KCTD3: variants seen among roughly 807,000 people sequenced by gnomAD.
The protein encoded by KCTD3 is potassium channel tetramerization domain containing 3.
KCTD3 carries 41 observed loss-of-function variants against 85.8 expected under a neutral mutation model. That is an observed-to-expected ratio of 0.48 (90% confidence interval 0.37 to 0.62). The LOEUF is 0.62. KCTD3 is among the 20% of genes least tolerant of loss of function. The pLI is 0.00. For synonymous variants in KCTD3, 338 were observed against 345.4 expected, an observed-to-expected ratio of 0.98 and a Z score of 0.24; for missense variants, 724 against 989.9, an observed-to-expected ratio of 0.73 and a Z score of 3.60.
At chr1:215,604,377 GT>G in intron 13 of KCTD3, 75 bp downstream of exon 13, 1 of 1,117,306 alleles carries the variant, frequency 9.0e-7, no homozygotes, top group Non-Finnish European at 1.3e-6. Flanking sequence ...AAAACGCAGT[GT>G]TTATGTGAGA....
chr1:215,604,404 A>T, intron 13 of KCTD3, 102 bp downstream of exon 13: 1 of 869,106 alleles, frequency 1.2e-6, no homozygotes, highest in Non-Finnish European at 1.8e-6. Flanking sequence ...ATACTAAAAG[A>T]AGTACTAGAA....
rs764835860 is a variant in KCTD3, at chr1:215,579,078, C to T, written c.476C>T (p.Ala159Val). The T allele has an allele frequency of 6.3e-7, 1 of 1,597,842 alleles. No individual in the cohort carries two copies. Among genetic ancestry groups the T allele is most frequent in the South Asian group, 1.1e-5 (1 of 87,766 alleles). Residue 159 changes from alanine to valine, a missense_variant, in exon 7 of 18, where the codon GCC (alanine) becomes GTC (valine). Coordinates refer to ENST00000259154, the MANE Select transcript of KCTD3 (RefSeq NM_016121.5). ...GGTCTAAATTCTACAGAAGGTGAAG[C>T]CCGGGGAAATGGTACACAGCCTGTT... ...RNGLNSTEGE[A>V]RGNGTQPVLS...
intron 4 of KCTD3, 116 bp downstream of exon 4, chr1:215,576,090 T>C: frequency 1.6e-6 from 1 of 635,362 alleles, no homozygotes; most frequent in South Asian, 2.0e-5. Flanking sequence ...AGTTGCAGTC[T>C]TGCTCTGTTG....
In KCTD3 at chr1:215,620,553, A is replaced by G. The variant is rs1558249207; in HGVS notation, c.2383A>G (p.Thr795Ala). The change falls in exon 18 of 18, where the codon ACA becomes GCA. Residue 795 changes from threonine (T) to alanine (A), a missense_variant. By Grantham distance (58) the Thr-to-Ala change is moderately conservative. This residue lies in a region of KCTD3 where 222 missense variants were observed against 217.7 expected (regional missense o/e 1.02). Transcript: ENST00000259154. ...DSPGTASPSP[T>A]KTTPSPRHKK... is the part of the protein sequence containing the mutation. ...ACCTGGTACTGCGTCCCCATCTCCT[A>G]CAAAGACTACTCCATCTCCTCGGCA... is the stretch of plus-strand genomic sequence containing the variant. The G allele has an allele frequency of 6.2e-7, 1 of 1,613,578 alleles. No individual in the cohort carries two copies. Among genetic ancestry groups the G allele is most frequent in the Non-Finnish European group, 8.5e-7 (1 of 1,179,746 alleles).
chr1:215,580,607 G>A (rs1659780424), intron 8 of KCTD3, among the ~76,000 whole-genome samples: 1 of 151,746 alleles, frequency 6.6e-6, no homozygotes, highest in Non-Finnish European at 1.5e-5. Flanking sequence ...AGGACTCTTA[G>A]TTCAAAATCA....
At chr1:215,615,981 G>A (rs1298319204) in intron 15 of KCTD3, among the ~76,000 whole-genome samples, 11 of 152,176 alleles carry the variant, frequency 7.2e-5, no homozygotes. Context: ...GAACCCCTCT[G>A]TAGTGAGGGC....
chr1:215,573,398 C>G (rs1421927690), intron 1 of KCTD3, among the ~76,000 whole-genome samples: 1 of 151,974 alleles, frequency 6.6e-6, no homozygotes, highest in Non-Finnish European at 1.5e-5. Flanking sequence ...AAGTTTTGTC[C>G]TATTAGAGGG....
At chr1:215,600,472 C>T (rs3767258) in intron 10 of KCTD3, among the ~76,000 whole-genome samples, 5,074 of 152,232 alleles carry the variant, frequency 0.033, 207 homozygotes, top group African/African-American at 0.094. Context: ...CCCACCAGCA[C>T]TGAGATGGCA....
intron 9 of KCTD3, among the ~76,000 whole-genome samples, chr1:215,591,507 G>A (rs1660216914): frequency 6.6e-6 from 1 of 152,066 alleles, no homozygotes; most frequent in African/African-American, 2.4e-5. Context: ...ACAGGCACAT[G>A]CCACCACGCC....
chr1:215,587,131 TC>T (rs978998814), intron 9 of KCTD3, among the ~76,000 whole-genome samples: 5 of 151,300 alleles, frequency 3.3e-5, no homozygotes, highest in African/African-American at 1.2e-4. Context: ...TTCTTTTTTT[TC>T]CTTTTTTTTT....
At chr1:215,595,638 C>T (rs1660391789) in intron 10 of KCTD3, among the ~76,000 whole-genome samples, 167 bp downstream of exon 10, 1 of 151,788 alleles carries the variant, frequency 6.6e-6, no homozygotes, top group South Asian at 2.1e-4. Flanking sequence ...AGCATATTTT[C>T]AAGAGTTTAA....
At chr1:215,576,843 C>G (rs1296483391) in intron 4 of KCTD3, among the ~76,000 whole-genome samples, 1 of 152,168 alleles carries the variant, frequency 6.6e-6, no homozygotes, top group Non-Finnish European at 1.5e-5. Flanking sequence ...GCTGGGATTA[C>G]AGGTGTGAGC....
intron 15 of KCTD3, among the ~76,000 whole-genome samples, chr1:215,614,333 G>A (rs57493403): frequency 6.6e-6 from 1 of 152,094 alleles, no homozygotes; most frequent in African/African-American, 2.4e-5. Flanking sequence ...ATCCGGCCTA[G>A]AAATAGTTTT....
intron 14 of KCTD3, among the ~76,000 whole-genome samples, chr1:215,611,315 GT>G (rs1381965901): frequency 2.6e-5 from 4 of 151,674 alleles, no homozygotes; most frequent in Non-Finnish European, 5.9e-5. Flanking sequence ...TTGTGTGTGT[GT>G]TTTTTTAATT....
At chr1:215,605,031 G>A (rs554378234) in intron 13 of KCTD3, among the ~76,000 whole-genome samples, 5 of 152,220 alleles carry the variant, frequency 3.3e-5, no homozygotes, top group African/African-American at 9.6e-5. Context: ...AATTCATTGT[G>A]TATGGAAGAT....
At chr1:215,601,802 A>C (rs968900055) in intron 10 of KCTD3, 65 bp from the exon 11 acceptor site, 8 of 979,048 alleles carry the variant, frequency 8.2e-6, no homozygotes, top group African/African-American at 3.3e-5. Context: ...AGTTTTGAGG[A>C]AATTGACCAG....
At chr1:215,583,500 C>CCGTCCTGTTTTGTCAG (rs893505632) in intron 8 of KCTD3, among the ~76,000 whole-genome samples, 2 of 152,156 alleles carry the variant, frequency 1.3e-5, no homozygotes, top group African/African-American at 4.8e-5. Context: ...CTTCTTTACT[C>CCGTCCTGTTTTGTCAG]CGTCCTGTTT....
At chr1:215,596,378 GA>G (rs1404748104) in intron 10 of KCTD3, among the ~76,000 whole-genome samples, 2 of 152,130 alleles carry the variant, frequency 1.3e-5, no homozygotes, top group Non-Finnish European at 2.9e-5. Flanking sequence ...TGGGAAAGAA[GA>G]AAGGGTGAGA....
At chr1:215,603,296 C>CT (rs955941909) in intron 12 of KCTD3, among the ~76,000 whole-genome samples, 16 of 151,970 alleles carry the variant, frequency 1.1e-4, no homozygotes, top group Non-Finnish European at 1.9e-4. Context: ...TCATGACATG[C>CT]TTTTTTTCCT....
Sources: gnomAD v4.1 joint callset for allele counts (sites outside exome capture counted in the v4.1 genomes callset) on GRCh38, gnomAD v4.1.1 for gene constraint, gnomAD v4.1.1 regional missense constraint, MANE v1.5 for transcripts, NCBI Gene and HGNC (gene_info 2026-07-23, HGNC 2026-07-21) for gene names.